AKR1E2: variants seen among roughly 807,000 people sequenced by gnomAD.
The protein encoded by AKR1E2 is 1,5-anhydro-D-fructose reductase.
A neutral mutation model predicts 41.9 loss-of-function variants in AKR1E2; 43 were observed. The observed-to-expected ratio is 1.03, with a 90% confidence interval of 0.80 to 1.32. AKR1E2 has a LOEUF of 1.32. AKR1E2 is among the 40% of genes most tolerant of loss of function. The probability of loss-of-function intolerance (pLI) is 0.00; values close to 1 mark genes in which losing one functional copy is unlikely to be tolerated. For missense variants in AKR1E2, 423 were observed against 396.5 expected, an observed-to-expected ratio of 1.07 and a Z score of -0.57; for synonymous variants, 121 against 138.9, an observed-to-expected ratio of 0.87 and a Z score of 0.91.
intron 3 of AKR1E2, 40 bp from the exon 4 acceptor site, chr10:4,835,635 T>TTGTTC (rs2131524556): frequency 6.3e-7 from 1 of 1,593,330 alleles, no homozygotes; most frequent in Non-Finnish European, 8.6e-7. Flanking sequence ...TTGTTTTGTT[T>TTGTTC]TGTTTTGTTT....
chr10:4,869,373 T>C, the AKR1E2 span, among the ~76,000 whole-genome samples: 11 of 152,100 alleles, frequency 7.2e-5, no homozygotes, highest in Non-Finnish European at 1.5e-4. Flanking sequence ...ATAGCATAAT[T>C]CCCTGTTGCA....
At chr10:4,828,146 G>A (rs1832692974) in intron 1 of AKR1E2, among the ~76,000 whole-genome samples, 1 of 152,218 alleles carries the variant, frequency 6.6e-6, no homozygotes, top group South Asian at 2.1e-4. Context: ...CCTCAGTGGT[G>A]TACAGCAGCA....
chr10:4,861,882 C>T, the AKR1E2 span, among the ~76,000 whole-genome samples: 1 of 152,182 alleles, frequency 6.6e-6, no homozygotes, highest in African/African-American at 2.4e-5. Context: ...CTGTAGGTTG[C>T]CTGTTCACTC....
intron 6 of AKR1E2, among the ~76,000 whole-genome samples, chr10:4,840,336 C>G (rs1338216046): frequency 6.6e-6 from 1 of 152,228 alleles, no homozygotes; most frequent in African/African-American, 2.4e-5. Context: ...ATTGATTATT[C>G]TGCCAGGAGA....
At chr10:4,838,437 C>A (rs1340786323) in intron 5 of AKR1E2, among the ~76,000 whole-genome samples, 1 of 152,168 alleles carries the variant, frequency 6.6e-6, no homozygotes, top group East Asian at 1.9e-4. Context: ...GTTATCCATT[C>A]TGCTGTTAAT....
At chr10:4,867,864 T>G in the AKR1E2 span, among the ~76,000 whole-genome samples, 1 of 152,120 alleles carries the variant, frequency 6.6e-6, no homozygotes, top group African/African-American at 2.4e-5. Context: ...GGGTCCGTCT[T>G]TCTTATCTTT....
chr10:4,863,051 C>T, the AKR1E2 span, among the ~76,000 whole-genome samples: 4,876 of 152,146 alleles, frequency 0.032, 125 homozygotes, highest in East Asian at 0.064. Context: ...GACAGATCAA[C>T]GAGACAGAAA....
upstream of AKR1E2, chr10:4,826,113 A>G: frequency 2.5e-6 from 1 of 405,124 alleles, no homozygotes; most frequent in Non-Finnish European, 4.3e-6. Context: ...GCCCGTCCTT[A>G]ATACAACCAG....
chr10:4,835,792 T>C lies in AKR1E2; in HGVS notation c.442T>C (p.Phe148Leu), dbSNP rs1833365779. 4 of 1,613,972 alleles carry C rather than the reference T, an allele frequency of 2.5e-6. No homozygotes were observed. The East Asian group carries it at 6.7e-5, about 27-fold the overall frequency. Reference protein sequence around the residue: ...SNMVIPSDTDFLDTWEAMEDL... With the variant: ...SNMVIPSDTDLLDTWEAMEDL... ...CATGGTTATTCCCAGTGACACGGAC[T>C]TCCTGGACACGTGGGAGGTGAGCTG... Residue 148 changes from phenylalanine to leucine, a missense_variant, in exon 4 of 10, where the codon TTC becomes CTC. By Grantham distance (22) the Phe-to-Leu change is conservative (BLOSUM62 0). Transcript: ENST00000298375.
At chr10:4,860,589 A>G in the AKR1E2 span, among the ~76,000 whole-genome samples, 1 of 152,224 alleles carries the variant, frequency 6.6e-6, no homozygotes, top group African/African-American at 2.4e-5. Flanking sequence ...ATCCATGTTT[A>G]TTGATTTATT....
At chr10:4,846,503 G>A (rs1419983553) in intron 8 of AKR1E2, among the ~76,000 whole-genome samples, 2 of 152,086 alleles carry the variant, frequency 1.3e-5, no homozygotes, top group African/African-American at 4.8e-5. Context: ...TGTTTTGTTG[G>A]GGTTTTGAGG....
At chr10:4,864,845 T>C in the AKR1E2 span, among the ~76,000 whole-genome samples, 1 of 152,222 alleles carries the variant, frequency 6.6e-6, no homozygotes, top group African/African-American at 2.4e-5. Flanking sequence ...TGTGTTCACG[T>C]TGAGTCCCTT....
At chr10:4,860,708 C>T in the AKR1E2 span, among the ~76,000 whole-genome samples, 1 of 152,046 alleles carries the variant, frequency 6.6e-6, no homozygotes, top group East Asian at 1.9e-4. Flanking sequence ...TATTAATAAC[C>T]CAAACTCTGT....
the AKR1E2 span, among the ~76,000 whole-genome samples, chr10:4,859,652 T>C: frequency 1.3e-5 from 2 of 152,174 alleles, no homozygotes; most frequent in South Asian, 4.1e-4. Flanking sequence ...AGCAAAGGCA[T>C]TTACAGCCAT....
chr10:4,840,433 C>T (rs1249842962), intron 6 of AKR1E2, among the ~76,000 whole-genome samples: 1 of 152,270 alleles, frequency 6.6e-6, no homozygotes, highest in Non-Finnish European at 1.5e-5. Context: ...AGAGGAGCCC[C>T]TCAGCTCCCT....
chr10:4,833,312 G>T, intron 2 of AKR1E2, 38 bp from the exon 3 acceptor site: 1 of 1,533,368 alleles, frequency 6.5e-7, no homozygotes, highest in Non-Finnish European at 9.0e-7. Context: ...GCTGGCTCTG[G>T]GTGGGCACGT....
rs187889256 is a variant in AKR1E2 at position 4,837,491 on chromosome 10, G to A, written c.492G>A (p.Val164=). The change falls in exon 5 of 10, where the codon GTG becomes GTA. Residue 164 remains valine, a synonymous_variant. Transcript: ENST00000298375. The stretch of plus-strand genomic sequence containing the variant: ...AGGACCTGGTGATCACCGGGCTGGT[G>A]AAGAACATCGGGGTGTCAAACTTCA... ...AMEDLVITGL[V]KNIGVSNFNH... 69 of 1,614,206 alleles carry A rather than the reference G, an allele frequency of 4.3e-5. No individual in the cohort carries two copies. The highest frequency in any genetic ancestry group is 3.3e-4 in the Middle Eastern group (2 of 6,060).
intron 4 of AKR1E2, among the ~76,000 whole-genome samples, chr10:4,836,443 C>A (rs1414512368): frequency 6.6e-6 from 1 of 152,204 alleles, no homozygotes; most frequent in Non-Finnish European, 1.5e-5. Context: ...TGGGCTCCAG[C>A]ATGGCTGACC....
chr10:4,865,397 A>G, the AKR1E2 span, among the ~76,000 whole-genome samples: 2 of 152,194 alleles, frequency 1.3e-5, no homozygotes, highest in Admixed American at 6.5e-5. Context: ...AACAAATTTT[A>G]GAAGACAGGT....
Sources: allele counts gnomAD v4.1 joint callset (sites outside exome capture counted in the v4.1 genomes callset), GRCh38; gene constraint gnomAD v4.1.1; transcripts MANE v1.5; gene names NCBI Gene and HGNC (gene_info 2026-07-23, HGNC 2026-07-21).